The following ADGRV1 variants were observed in gnomAD, a reference collection of about 807,000 sequenced individuals.
ADGRV1 encodes the protein G-protein coupled receptor 98.
In ADGRV1, 359 loss-of-function variants were observed where a neutral mutation model predicts 596.2. The ratio of observed to expected loss-of-function variants is 0.60; its 90% confidence interval spans 0.55 to 0.66. ADGRV1 has a LOEUF of 0.66. Among genes scored for constraint, ADGRV1 ranks in the 30% least tolerant of loss-of-function variants. The probability of loss-of-function intolerance (pLI) is 0.00; values close to 1 mark genes in which losing one functional copy is unlikely to be tolerated. For synonymous variants in ADGRV1, 2,681 were observed against 2,679.2 expected (o/e 1.00, Z -0.02); for missense variants, 7,274 against 7,575.6 (o/e 0.96, Z 1.48).
chr5:90,856,002 T>C, intron 82 of ADGRV1, 101 bp downstream of exon 82: 1 of 941,390 alleles, frequency 1.1e-6, no homozygotes, highest in East Asian at 2.4e-5. Context: ...AAACATACCG[T>C]AATTCATCAG....
chr5:90,770,082 A>G (rs1757532002), intron 59 of ADGRV1, among the ~76,000 whole-genome samples: 1 of 152,218 alleles, frequency 6.6e-6, no homozygotes, highest in African/African-American at 2.4e-5. Flanking sequence ...TAATAAAGAC[A>G]TACTCAAGAC....
chr5:90,666,084 T>C (rs1196984673), intron 21 of ADGRV1, among the ~76,000 whole-genome samples: 1 of 151,542 alleles, frequency 6.6e-6, no homozygotes, highest in Admixed American at 6.6e-5. Context: ...AAAAAATGTA[T>C]ATTCTGTTGA....
At chr5:90,941,013 C>G (rs956625526) in intron 83 of ADGRV1, among the ~76,000 whole-genome samples, 1 of 152,022 alleles carries the variant, frequency 6.6e-6, no homozygotes, top group Non-Finnish European at 1.5e-5. Flanking sequence ...TTCCCCCCTC[C>G]CATTTAGAAC....
intron 29 of ADGRV1, among the ~76,000 whole-genome samples, chr5:90,688,785 T>C (rs1328384270): frequency 6.6e-6 from 1 of 152,120 alleles, no homozygotes; most frequent in Non-Finnish European, 1.5e-5. Flanking sequence ...CTCCTCATTT[T>C]TGAAAGGGAT....
intron 82 of ADGRV1, 102 bp from the exon 83 acceptor site, chr5:90,863,655 G>T (rs531779885): frequency 1.2e-6 from 1 of 818,340 alleles, no homozygotes; most frequent in African/African-American, 1.7e-5. Context: ...AGAGGCAGGT[G>T]GCAGACCTGA....
At chr5:90,986,837 C>A (rs1048507098) in intron 85 of ADGRV1, among the ~76,000 whole-genome samples, 3 of 152,094 alleles carry the variant, frequency 2.0e-5, no homozygotes, top group African/African-American at 7.2e-5. Context: ...CTACGTCATT[C>A]TTTGTGATAT....
At chr5:90,900,192 A>G (rs1023362702) in intron 83 of ADGRV1, among the ~76,000 whole-genome samples, 3 of 152,176 alleles carry the variant, frequency 2.0e-5, no homozygotes, top group Admixed American at 1.3e-4. Context: ...AGACAATAAT[A>G]AATAGAAGGG....
At chr5:91,008,577 C>A (rs1314204520) in intron 85 of ADGRV1, among the ~76,000 whole-genome samples, 1 of 152,044 alleles carries the variant, frequency 6.6e-6, no homozygotes, top group Non-Finnish European at 1.5e-5. Context: ...GATATCAACT[C>A]ACTGCAACCT....
rs776470356 is a variant in ADGRV1 at position 90,644,848 on chromosome 5, C to T, written c.2877C>T (p.Thr959=). 1.2e-5 allele frequency: 19 copies of T among 1,602,870 alleles called. No homozygotes were observed. The highest frequency in any genetic ancestry group is 1.4e-5 in the Non-Finnish European group (17 of 1,175,732). Residue 959 remains threonine, a synonymous_variant, in exon 15 of 90, where the codon ACC becomes ACT. Coordinates refer to ENST00000405460, the MANE Select transcript of ADGRV1 (RefSeq NM_032119.4). ...FGDQEFSKNI[T]IYSLPDEIPE... is the part of the protein sequence containing the mutation. ...ATCAGGAATTTTCAAAAAATATCAC[C>T]ATTTACTCCCTTCCAGATGAGGTAA... is the stretch of plus-strand genomic sequence containing the variant.
chr5:91,139,061 G>T (rs1045906579), intron 87 of ADGRV1, among the ~76,000 whole-genome samples: 1 of 152,120 alleles, frequency 6.6e-6, no homozygotes, highest in Non-Finnish European at 1.5e-5. Flanking sequence ...GTGAGCCACC[G>T]CGCCCACTGT....
At position 90,610,164 on chromosome 5, in the gene ADGRV1, G is replaced by A. The variant is rs571024793; in HGVS notation, c.23-4671G>A. ...CCATCATTTATTTGAGTCAAGATGG[G>A]AGGAAGGTACTGTCCTAGATAAACA... On this transcript the variant is annotated intron_variant, in intron 1 of 89. Coordinates refer to ENST00000405460, the MANE Select transcript of ADGRV1 (RefSeq NM_032119.4). Among the ~76,000 whole-genome samples, 3 of 152,040 alleles carry A rather than the reference G, an allele frequency of 2.0e-5. No individual in the cohort carries two copies. The East Asian group carries it at 5.8e-4, about 29-fold the overall frequency.
Position 90,708,901 on chromosome 5 carries a change from C to T in ADGRV1, c.8816C>T (p.Pro2939Leu). ...ATGGCTGCTTCAACTTCATTTCCTC[C>T]CAGACTAGGTATGAGGGGTTTCTTG... ...LTMAASTSFPPRLDSEGLTAQ... is the reference protein window; with the variant it reads ...LTMAASTSFPLRLDSEGLTAQ... Residue 2939 changes from proline (P) to leucine (L), a missense_variant, in exon 39 of 90, where the codon CCC (proline) becomes CTC (leucine). This residue lies in a region of ADGRV1 where 3,643 missense variants were observed against 3,809.2 expected (regional missense o/e 0.96). Coordinates refer to ENST00000405460, the MANE Select transcript of ADGRV1 (RefSeq NM_032119.4). 1.2e-6 allele frequency: 2 copies of T among 1,606,494 alleles called. No individual in the cohort carries two copies. Among genetic ancestry groups the T allele is most frequent in the South Asian group, 1.1e-5 (1 of 90,758 alleles).
At chr5:91,103,034 A>T (rs1230540448) in intron 87 of ADGRV1, among the ~76,000 whole-genome samples, 1 of 152,228 alleles carries the variant, frequency 6.6e-6, no homozygotes, top group Non-Finnish European at 1.5e-5. Context: ...TTATTAAATT[A>T]TCTCTAAATA....
chr5:90,710,997 T>G lies in ADGRV1; in HGVS notation c.8841T>G (p.Thr2947=). Residue 2947 remains threonine, a synonymous_variant, in exon 40 of 90, where the codon ACT becomes ACG. Transcript: ENST00000405460. ...FPPRLDSEGL[T]AQVIIDANDG... ...TTTTTTAAGATTCAGAAGGTTTGAC[T>G]GCACAAGTTATTATTGATGCCAATG... The G allele has an allele frequency of 6.2e-7, 1 of 1,608,146 alleles. No homozygotes were observed. The highest frequency in any genetic ancestry group is 8.5e-7 in the Non-Finnish European group (1 of 1,175,812).
chr5:90,860,096 A>AAAT lies in ADGRV1; in HGVS notation c.17756-3645_17756-3643dup, dbSNP rs1226185190. ...ACTGAGCAAGACCCTGTCTCTTAAA[A>AAAT]AATAATAATAATAATAATGAAAATT... On this transcript the variant is annotated intron_variant, in intron 82 of 89. Coordinates refer to ENST00000405460, the MANE Select transcript of ADGRV1 (RefSeq NM_032119.4). Among the ~76,000 whole-genome samples the AAAT allele has an allele frequency of 9.9e-5, 15 of 151,756 alleles. No individual in the cohort carries two copies. In the East Asian group the frequency reaches 1.2e-3, roughly 12 times the overall value.
Position 90,643,783 on chromosome 5 carries a change from C to T in ADGRV1, c.2554-20C>T. 2 of 1,545,330 alleles carry T rather than the reference C, an allele frequency of 1.3e-6. No individual in the cohort carries two copies. Among genetic ancestry groups the T allele is most frequent in the East Asian group, 2.3e-5 (1 of 43,096 alleles). The stretch of plus-strand genomic sequence containing the variant: ...AAAAGTCAACTTTATAATTTCCATA[C>T]TTTGACACATTCACTTTAGTTGGAT... On this transcript the variant is annotated intron_variant, in intron 13 of 89. Transcript: ENST00000405460.
intron 70 of ADGRV1, among the ~76,000 whole-genome samples, chr5:90,794,515 G>A (rs559744172): frequency 6.6e-6 from 1 of 152,272 alleles, no homozygotes; most frequent in East Asian, 1.9e-4. Context: ...CAGCAGATAC[G>A]AAGATGACTG....
chr5:90,814,884 T>G (rs954691520), intron 74 of ADGRV1, among the ~76,000 whole-genome samples: 7 of 152,188 alleles, frequency 4.6e-5, no homozygotes, highest in African/African-American at 1.7e-4. Context: ...CAGTCAGAAC[T>G]ATGCAGTGGT....
At chr5:90,575,095 C>A (rs1162691623) in intron 1 of ADGRV1, among the ~76,000 whole-genome samples, 1 of 150,468 alleles carries the variant, frequency 6.6e-6, no homozygotes, top group Non-Finnish European at 1.5e-5. Flanking sequence ...TTGTTAAGTT[C>A]TTTAATTTTA....
Sources: allele counts gnomAD v4.1 joint callset (sites outside exome capture counted in the v4.1 genomes callset), GRCh38; gene constraint gnomAD v4.1.1; regional missense constraint gnomAD v4.1.1; transcripts MANE v1.5; gene names NCBI Gene and HGNC (gene_info 2026-07-23, HGNC 2026-07-21).